Variants in WDR62 observed in about 807,000 individuals in gnomAD.
WDR62 encodes WD repeat domain 62, also known as WD repeat-containing protein 62.
WDR62 carries 112 observed loss-of-function variants against 160.6 expected under a neutral mutation model. The observed-to-expected ratio is 0.70, with a 90% CI of 0.60 to 0.82. The LOEUF is 0.82. Ranked by LOEUF, WDR62 falls within the 40% of genes least tolerant of loss-of-function variation. The probability of loss-of-function intolerance (pLI) is 0.00; values close to 1 mark genes in which losing one functional copy is unlikely to be tolerated. For missense variants in WDR62, 1,819 were observed against 1,983.8 expected (o/e 0.92, Z 1.58); for synonymous variants, 792 against 815.1 (o/e 0.97, Z 0.48).
chr19:36,102,184 C>G, intron 26 of WDR62, 33 bp downstream of exon 26: 1 of 1,613,790 alleles, frequency 6.2e-7, no homozygotes. Context: ...CCTGCCGAGG[C>G]CGTCTGTGCA....
At chr19:36,103,304 TC>T in intron 29 of WDR62, 38 bp from the exon 30 acceptor site, 2 of 1,612,910 alleles carry the variant, frequency 1.2e-6, no homozygotes, top group Non-Finnish European at 1.7e-6. Context: ...AGCCATCAGT[TC>T]TGTGTGGTGG....
chr19:36,105,761 C>A (rs1176676313), downstream of WDR62, among the ~76,000 whole-genome samples: 1 of 152,080 alleles, frequency 6.6e-6, no homozygotes, highest in South Asian at 2.1e-4. Flanking sequence ...TGCAGTGGTG[C>A]GATCTTGGCT....
Position 36,103,679 on chromosome 19 carries a change from C to A in WDR62, c.3851C>A (p.Ala1284Asp), listed in dbSNP as rs1161069528. 1.9e-6 allele frequency: 3 copies of A among 1,610,296 alleles called. No individual in the cohort carries two copies. The highest frequency in any genetic ancestry group is 2.5e-6 in the Non-Finnish European group (3 of 1,180,004). Residue 1284 changes from alanine to aspartate, a missense_variant, in exon 30 of 32, where the codon GCC becomes GAC. This residue lies in a region of WDR62 where 770 missense variants were observed against 734.2 expected (regional missense o/e 1.05). Coordinates refer to ENST00000401500, the MANE Select transcript of WDR62 (RefSeq NM_001083961.2). ...PSLDSEGQEP[A>D]LRSWGNHEAR... is the part of the protein sequence containing the mutation. ...TTGGACAGTGAGGGCCAAGAGCCTGCCCTGCGTTCCTGGGGCAACCACGAG... is the reference window on the plus strand; with the variant it reads ...TTGGACAGTGAGGGCCAAGAGCCTGACCTGCGTTCCTGGGGCAACCACGAG...
intron 3 of WDR62, among the ~76,000 whole-genome samples, chr19:36,065,027 A>C (rs1970861111): frequency 6.6e-6 from 1 of 152,192 alleles, no homozygotes; most frequent in Admixed American, 6.5e-5. Flanking sequence ...CCCTTTGACG[A>C]GTATTTCAGG....
intron 7 of WDR62, among the ~76,000 whole-genome samples, chr19:36,069,403 G>C (rs895267525): frequency 4.6e-5 from 7 of 150,896 alleles, no homozygotes; most frequent in African/African-American, 1.7e-4. Context: ...GGGTGGCGGG[G>C]CAGAGGCGCT....
At chr19:36,101,986 T>C in intron 25 of WDR62, 28 bp from the exon 26 acceptor site, 1 of 1,613,988 alleles carries the variant, frequency 6.2e-7, no homozygotes, top group African/African-American at 1.3e-5. Context: ...TGTTGGCTCC[T>C]CTTGTCCCTC....
chr19:36,058,527 C>T (rs958149100), intron 1 of WDR62, among the ~76,000 whole-genome samples: 2 of 152,236 alleles, frequency 1.3e-5, no homozygotes, highest in Non-Finnish European at 2.9e-5. Context: ...GTTCTACATA[C>T]CCATCACCAG....
chr19:36,078,381 C>T (rs1693174143), intron 9 of WDR62, among the ~76,000 whole-genome samples: 4 of 151,690 alleles, frequency 2.6e-5, no homozygotes, highest in Admixed American at 1.3e-4. Flanking sequence ...CTCCTCGCCT[C>T]AAGTGATTTG....
At chr19:36,098,816 A>T (rs1324722773) in intron 21 of WDR62, among the ~76,000 whole-genome samples, 2 of 152,140 alleles carry the variant, frequency 1.3e-5, no homozygotes, top group Non-Finnish European at 2.9e-5. Flanking sequence ...AGAAAAGTTC[A>T]TGAATCCCAG....
At chr19:36,082,614 A>G (rs1356707773) in intron 10 of WDR62, among the ~76,000 whole-genome samples, 3 of 152,172 alleles carry the variant, frequency 2.0e-5, no homozygotes, top group African/African-American at 7.2e-5. Context: ...GCTGCACACA[A>G]TAGAAAAACT....
intron 20 of WDR62, among the ~76,000 whole-genome samples, chr19:36,094,961 T>C (rs910616521): frequency 6.6e-6 from 1 of 151,930 alleles, no homozygotes; most frequent in Non-Finnish European, 1.5e-5. Context: ...AGCCCAGGAA[T>C]TCCATGTTAT....
At chr19:36,088,306 CA>C (rs1002273305) in intron 13 of WDR62, among the ~76,000 whole-genome samples, 2 of 150,714 alleles carry the variant, frequency 1.3e-5, no homozygotes, top group Non-Finnish European at 3.0e-5. Context: ...AACTCTGTCT[CA>C]AAAAAAAAGA....
intron 16 of WDR62, among the ~76,000 whole-genome samples, 167 bp downstream of exon 16, chr19:36,090,687 C>T (rs568272898): frequency 6.6e-6 from 1 of 152,294 alleles, no homozygotes; most frequent in Admixed American, 6.5e-5. Flanking sequence ...GGGAGGGTGA[C>T]CCCAGCTGTG....
At position 36,103,758 on chromosome 19, in the gene WDR62, G is replaced by GC. The variant is rs587776900; in HGVS notation, c.3936dup (p.Val1313ArgfsTer18). The GC allele has an allele frequency of 5.6e-6, 9 of 1,610,764 alleles. No individual in the cohort carries two copies. Among genetic ancestry groups the GC allele is most frequent in the South Asian group, 5.5e-5 (5 of 91,076 alleles). ...CAAGTGCCTGTGATGGGCTCCTGCA[G>GC]CCCCCCGTGGATACCCAGCCTGGCG... On this transcript the variant is annotated frameshift_variant, in exon 30 of 32. Transcript: ENST00000401500. LOFTEE classifies it high-confidence loss of function.
intron 26 of WDR62, 129 bp from the exon 27 acceptor site, chr19:36,102,608 G>T: frequency 1.3e-6 from 1 of 750,276 alleles, no homozygotes; most frequent in Non-Finnish European, 2.2e-6. Flanking sequence ...CTCACCCACT[G>T]CCCCTGCTCG....
intron 26 of WDR62, 78 bp downstream of exon 26, chr19:36,102,229 T>C (rs1973403593): frequency 1.2e-6 from 2 of 1,603,668 alleles, no homozygotes; most frequent in African/African-American, 2.7e-5. Flanking sequence ...TGGAGTTGGC[T>C]CCCCAGCAGG....
intron 11 of WDR62, 31 bp from the exon 12 acceptor site, chr19:36,084,622 G>A: frequency 3.1e-6 from 5 of 1,608,686 alleles, no homozygotes; most frequent in Non-Finnish European, 4.3e-6. Context: ...GCTGGGGTGT[G>A]GGGCTTCAGC....
rs1163971465 is a variant in WDR62, at chr19:36,083,257, C to T, written c.1550+16C>T. The T allele has an allele frequency of 6.3e-6, 10 of 1,580,078 alleles. No individual in the cohort carries two copies. The highest frequency in any genetic ancestry group is 1.8e-5 in the Admixed American group (1 of 55,256). ...GAAATCTGAGGCAAGTGGGCCCTGG[C>T]AGTGTCCAGTGTACACCTCCCAGCT... On this transcript the variant is annotated intron_variant, in intron 11 of 31. Transcript: ENST00000401500.
rs1332443280 is a variant in WDR62, at chr19:36,073,883, C to T, written c.1233+352C>T. Reference sequence around the variant, plus strand: ...ATATGAGCAGAGACCTGCAGGAAATCGGGGAGTGAGACCTGCAACTGCTGG... The same window carrying T: ...ATATGAGCAGAGACCTGCAGGAAATTGGGGAGTGAGACCTGCAACTGCTGG... On this transcript the variant is annotated intron_variant, in intron 9 of 31. Coordinates refer to ENST00000401500, the MANE Select transcript of WDR62 (RefSeq NM_001083961.2). The T allele has an allele frequency of 3.2e-5, 12 of 373,218 alleles. No individual in the cohort carries two copies. In the East Asian group the frequency reaches 4.2e-4, roughly 13 times the overall value. 23.1% of individuals were successfully genotyped at this position (373,218 alleles called of 1,614,324 possible). A position where few individuals can be genotyped will look rare whatever the true frequency, so the allele number is the denominator to read the frequency against.
Sources: allele counts gnomAD v4.1 joint callset (sites outside exome capture counted in the v4.1 genomes callset), GRCh38; gene constraint gnomAD v4.1.1; regional missense constraint gnomAD v4.1.1; transcripts MANE v1.5; gene names NCBI Gene and HGNC (gene_info 2026-07-23, HGNC 2026-07-21).